The following SCMH1 variants were observed in gnomAD, a reference collection of about 807,000 sequenced individuals.
SCMH1 encodes Scm polycomb group protein homolog 1.
SCMH1 carries 37 observed loss-of-function variants against 70.8 expected under a neutral mutation model. The observed-to-expected ratio is 0.52, with a 90% CI of 0.40 to 0.69. The LOEUF is 0.69. Among genes scored for constraint, SCMH1 ranks in the 30% least tolerant of loss-of-function variants. The pLI is 0.00. For missense variants in SCMH1, 607 were observed against 827.3 expected, an observed-to-expected ratio of 0.73 and a Z score of 3.27; for synonymous variants, 292 against 307.4, an observed-to-expected ratio of 0.95 and a Z score of 0.52.
chr1:41,047,312 C>T (rs1413299292), intron 11 of SCMH1, among the ~76,000 whole-genome samples: 1 of 151,342 alleles, frequency 6.6e-6, no homozygotes, highest in Middle Eastern at 3.4e-3. Context: ...CAGACCATTA[C>T]ACAGAAACAA....
chr1:41,037,711 A>T (rs1337522310), intron 12 of SCMH1, among the ~76,000 whole-genome samples, 170 bp from the exon 13 acceptor site: 1 of 152,208 alleles, frequency 6.6e-6, no homozygotes, highest in Non-Finnish European at 1.5e-5. Context: ...ACCTTAGTCA[A>T]GCTCAGTGCC....
At chr1:41,157,525 G>C (rs1455412440) in intron 4 of SCMH1, among the ~76,000 whole-genome samples, 1 of 152,206 alleles carries the variant, frequency 6.6e-6, no homozygotes, top group Admixed American at 6.5e-5. Flanking sequence ...AAAAGACACA[G>C]ACTTTCAGGC....
At chr1:41,032,660 A>AG (rs1170041941) in intron 13 of SCMH1, among the ~76,000 whole-genome samples, 1 of 152,128 alleles carries the variant, frequency 6.6e-6, no homozygotes, top group Admixed American at 6.6e-5. Context: ...AACAGACTTC[A>AG]GGGGGACATG....
At chr1:41,212,696 T>C (rs1158922531) in intron 1 of SCMH1, among the ~76,000 whole-genome samples, 2 of 152,160 alleles carry the variant, frequency 1.3e-5, no homozygotes, top group African/African-American at 4.8e-5. Flanking sequence ...ACGGTCATGA[T>C]AGAAAATATT....
intron 1 of SCMH1, among the ~76,000 whole-genome samples, chr1:41,198,150 G>A (rs983437787): frequency 1.3e-5 from 2 of 152,122 alleles, no homozygotes; most frequent in South Asian, 2.1e-4. Flanking sequence ...CTGATATATA[G>A]AGGGTGCTGC....
chr1:41,190,525 G>T lies in SCMH1; in HGVS notation c.-117-4275C>A, dbSNP rs193063838. ...GAAAGCAGAGGTAAAATAACCTATTGGTGAAGATACTAAATCATTAGGAGG... is the reference window on the plus strand; with the variant it reads ...GAAAGCAGAGGTAAAATAACCTATTTGTGAAGATACTAAATCATTAGGAGG... On this transcript the variant is annotated intron_variant, in intron 1 of 14. Transcript: ENST00000337495. Among the ~76,000 whole-genome samples, 11 of 152,268 alleles carry T rather than the reference G, an allele frequency of 7.2e-5. No individual in the cohort carries two copies. The East Asian group carries it at 2.1e-3, about 29-fold the overall frequency.
chr1:41,030,776 C>T (rs1462883834), intron 13 of SCMH1, among the ~76,000 whole-genome samples: 1 of 152,176 alleles, frequency 6.6e-6, no homozygotes, highest in Non-Finnish European at 1.5e-5. Context: ...TTGTTCCTTG[C>T]TATGTTGCTG....
intron 1 of SCMH1, among the ~76,000 whole-genome samples, chr1:41,213,404 A>C (rs1657454642): frequency 6.6e-6 from 1 of 152,144 alleles, no homozygotes; most frequent in Non-Finnish European, 1.5e-5. Context: ...AAGCTGAAGG[A>C]ATGTGGGAAA....
In SCMH1 at chr1:41,159,611, T is replaced by G. The variant is rs1233322023; in HGVS notation, c.106+1264A>C. The G allele has an allele frequency of 3.4e-6, 4 of 1,191,566 alleles. No individual in the cohort carries two copies. The African/African-American group carries it at 4.8e-5, about 14-fold the overall frequency. 73.8% of individuals were successfully genotyped at this position (1,191,566 alleles called of 1,614,324 possible). A position where few individuals can be genotyped will look rare whatever the true frequency, so the allele number is the denominator to read the frequency against. The stretch of plus-strand genomic sequence containing the variant: ...AATTTGAACCTTGGTTCAAATTGTC[T>G]GACTCCTATGTCCATGTTTTTTCTA... On this transcript the variant is annotated intron_variant, in intron 4 of 14. Coordinates refer to ENST00000337495, the Ensembl canonical transcript of SCMH1.
intron 9 of SCMH1, among the ~76,000 whole-genome samples, chr1:41,071,758 G>T (rs753317577): frequency 1.3e-5 from 2 of 152,066 alleles, no homozygotes; most frequent in Non-Finnish European, 2.9e-5. Context: ...CACCTCCCAG[G>T]CTCAAGCGAT....
At chr1:41,140,193 A>T (rs1643916137) in intron 6 of SCMH1, among the ~76,000 whole-genome samples, 2 of 152,214 alleles carry the variant, frequency 1.3e-5, no homozygotes, top group South Asian at 4.1e-4. Context: ...TTGTGGTACA[A>T]AGGAGATTCA....
intron 2 of SCMH1, among the ~76,000 whole-genome samples, chr1:41,184,880 G>C (rs569862076): frequency 6.6e-6 from 1 of 152,272 alleles, no homozygotes; most frequent in South Asian, 2.1e-4. Flanking sequence ...TATGGGAGCT[G>C]AGATATTATA....
intron 6 of SCMH1, among the ~76,000 whole-genome samples, chr1:41,123,513 GAATAC>G (rs1376901240): frequency 6.6e-6 from 1 of 152,136 alleles, no homozygotes; most frequent in Non-Finnish European, 1.5e-5. Flanking sequence ...GAACATTAAA[GAATAC>G]ATCAGATCCA....
chr1:41,113,087 G>A lies in SCMH1; in HGVS notation c.745+196C>T, dbSNP rs1427259600. On this transcript the variant is annotated intron_variant, in intron 8 of 14. Coordinates refer to ENST00000337495, the Ensembl canonical transcript of SCMH1. This position sits in a 1 kb window ranked among gnomAD's most constrained non-coding sequence, Gnocchi z 4.3. Reference sequence around the variant, plus strand: ...TTACTTTATCCCAAATGCCATATGCGGTTTCATTTGACACTTAATACTTAA... The same window carrying A: ...TTACTTTATCCCAAATGCCATATGCAGTTTCATTTGACACTTAATACTTAA... Among the ~76,000 whole-genome samples, 2 of 152,254 alleles carry A rather than the reference G, an allele frequency of 1.3e-5. No individual in the cohort carries two copies. The highest frequency in any genetic ancestry group is 2.4e-5 in the African/African-American group (1 of 41,540).
intron 1 of SCMH1, among the ~76,000 whole-genome samples, chr1:41,206,482 G>T (rs995666360): frequency 1.3e-5 from 2 of 152,186 alleles, no homozygotes; most frequent in African/African-American, 2.4e-5. Context: ...AAAGCAAAAA[G>T]ACAAGATTAG....
chr1:41,033,930 TCTC>T, intron 13 of SCMH1, 50 bp downstream of exon 14: 2 of 1,612,132 alleles, frequency 1.2e-6, no homozygotes, highest in Non-Finnish European at 1.7e-6. Flanking sequence ...AAAGTACTCT[TCTC>T]AGAAACAGGG....
At chr1:41,179,430 C>A (rs974877957) in intron 2 of SCMH1, among the ~76,000 whole-genome samples, 1 of 152,122 alleles carries the variant, frequency 6.6e-6, no homozygotes, top group Non-Finnish European at 1.5e-5. Flanking sequence ...AATCCAGGAG[C>A]TGGTTTTTTG....
At chr1:41,080,090 T>A (rs1346783267) in intron 8 of SCMH1, among the ~76,000 whole-genome samples, 2 of 152,014 alleles carry the variant, frequency 1.3e-5, no homozygotes, top group African/African-American at 2.4e-5. Context: ...TTATGATTTT[T>A]AAAAAATCTG....
At chr1:41,077,354 C>T (rs559362136) in intron 8 of SCMH1, among the ~76,000 whole-genome samples, 1 of 152,090 alleles carries the variant, frequency 6.6e-6, no homozygotes, top group South Asian at 2.1e-4. Context: ...TTAAGGAGCC[C>T]CTGCATGTGG....
Sources: allele counts gnomAD v4.1 joint callset (sites outside exome capture counted in the v4.1 genomes callset), GRCh38; gene constraint gnomAD v4.1.1; non-coding constraint Gnocchi (gnomAD v3.1); transcripts MANE v1.5; gene names NCBI Gene and HGNC (gene_info 2026-07-23, HGNC 2026-07-21).